The following HS6ST1 variants were observed in gnomAD, a reference collection of about 807,000 sequenced individuals.
HS6ST1 encodes the protein heparan-sulfate 6-O-sulfotransferase 1.
In HS6ST1, 3 loss-of-function variants were observed where a neutral mutation model predicts 25.2. The observed-to-expected ratio is 0.12, with a 90% CI of 0.05 to 0.31. The LOEUF (loss-of-function observed/expected upper bound fraction) is 0.31, where lower values mean the gene tolerates loss of function less well. HS6ST1 is among the 10% of genes least tolerant of loss of function. The pLI is 1.00. For synonymous variants in HS6ST1, 204 were observed against 275.1 expected, an observed-to-expected ratio of 0.74 and a Z score of 2.56; for missense variants, 310 against 609.6, an observed-to-expected ratio of 0.51 and a Z score of 5.18.
intron 1 of HS6ST1, among the ~76,000 whole-genome samples, chr2:128,284,829 T>G (rs1366259268): frequency 6.6e-6 from 1 of 151,926 alleles, no homozygotes; most frequent in African/African-American, 2.4e-5. Context: ...CCCTGAGAGG[T>G]TGTGACTTTC....
intron 1 of HS6ST1, among the ~76,000 whole-genome samples, chr2:128,299,591 A>C (rs1475908453): frequency 3.3e-5 from 5 of 152,224 alleles, no homozygotes; most frequent in Admixed American, 6.5e-5. Flanking sequence ...ACTGAAGCAG[A>C]GAGCTCACAA....
rs1250666330 is a variant in HS6ST1 at position 128,318,838 on chromosome 2, G to C, written c.-275C>G. On this transcript the variant is annotated 5_prime_UTR_variant, in exon 1 of 2. Coordinates refer to ENST00000259241, the MANE Select transcript of HS6ST1 (RefSeq NM_004807.3). This position sits in a 1 kb window ranked among gnomAD's most constrained non-coding sequence, Gnocchi z 5.7. ...CTCTCCGCGCCCCCAGCACCAGCCC[G>C]CTCCGCTCCACTCCGCGCCGAGAAC... Among the ~76,000 whole-genome samples, 1 of 147,626 alleles carries C rather than the reference G, an allele frequency of 6.8e-6. No individual in the cohort carries two copies. The highest frequency in any genetic ancestry group is 1.5e-5 in the Non-Finnish European group (1 of 66,316).
chr2:128,302,095 T>C lies in HS6ST1; in HGVS notation c.527+15942A>G, dbSNP rs1032190960. Among the ~76,000 whole-genome samples, 12 of 152,304 alleles carry C rather than the reference T, an allele frequency of 7.9e-5. No individual in the cohort carries two copies. In the East Asian group the frequency reaches 1.4e-3, roughly 17 times the overall value. The stretch of plus-strand genomic sequence containing the variant: ...TCAGGACACCCTGAGGCAGTAGGTG[T>C]CACTGCTCAGTGTGACCAGAGTGGA... On this transcript the variant is annotated intron_variant, in intron 1 of 1. Coordinates refer to ENST00000259241, the MANE Select transcript of HS6ST1 (RefSeq NM_004807.3).
rs28521874 is a variant in HS6ST1 at position 128,290,435 on chromosome 2, T to G, written c.528-21565A>C. Among the ~76,000 whole-genome samples, 624 of 151,798 alleles carry G rather than the reference T, an allele frequency of 4.1e-3. 1 individual carries two copies. The highest frequency in any genetic ancestry group is 0.015 in the African/African-American group (604 of 41,342). On this transcript the variant is annotated intron_variant, in intron 1 of 1. Transcript: ENST00000259241. ...GTGGACACATCTGCTAAGCTCAGAG[T>G]TCAAATATAGATACAAAAATTCCTC... is the stretch of plus-strand genomic sequence containing the variant.
rs76381697 is a variant in HS6ST1 at position 128,316,566 on chromosome 2, G to C, written c.527+1471C>G. Among the ~76,000 whole-genome samples, 364 of 152,312 alleles carry C rather than the reference G, an allele frequency of 2.4e-3. 1 individual carries two copies. The highest frequency in any genetic ancestry group is 8.2e-3 in the African/African-American group (340 of 41,560). On this transcript the variant is annotated intron_variant, in intron 1 of 1. Coordinates refer to ENST00000259241, the MANE Select transcript of HS6ST1 (RefSeq NM_004807.3). ...TGCAGCAGGAACGTGCATCTGTGCAGAGCAGACTAAGTGCTGGGCCGGAAG... is the reference window on the plus strand; with the variant it reads ...TGCAGCAGGAACGTGCATCTGTGCACAGCAGACTAAGTGCTGGGCCGGAAG...
Position 128,268,705 on chromosome 2 carries a change from C to T in HS6ST1, c.693G>A (p.Ser231=), listed in dbSNP as rs369300010. The change falls in exon 2 of 2, where the codon TCG becomes TCA. Residue 231 remains serine, a synonymous_variant. Transcript: ENST00000259241. ...LPPCYEGTDW[S]GCTLQEFMDC... is the part of the protein sequence containing the mutation. ...CCATGAACTCCTGTAGCGTGCAGCC[C>T]GACCAGTCCGTGCCCTCGTAGCAGG... 78 of 1,612,060 alleles carry T rather than the reference C, an allele frequency of 4.8e-5. No individual in the cohort carries two copies. The East Asian group carries it at 7.4e-4, about 15-fold the overall frequency.
chr2:128,313,126 G>A (rs898721686), intron 1 of HS6ST1, among the ~76,000 whole-genome samples: 3 of 152,190 alleles, frequency 2.0e-5, no homozygotes, highest in Non-Finnish European at 4.4e-5. Flanking sequence ...GGTGCTCACA[G>A]ACCACAGGTG....
intron 1 of HS6ST1, among the ~76,000 whole-genome samples, chr2:128,293,164 C>A (rs756176901): frequency 6.6e-5 from 10 of 152,230 alleles, no homozygotes; most frequent in South Asian, 2.1e-4. Context: ...GCCAGGCACT[C>A]CAGCGTCCCA....
chr2:128,285,653 A>C (rs1175707596), intron 1 of HS6ST1, among the ~76,000 whole-genome samples: 2 of 152,000 alleles, frequency 1.3e-5, no homozygotes, highest in Non-Finnish European at 2.9e-5. Flanking sequence ...CGTCTGTGGC[A>C]CCCCTGTCTC....
At chr2:128,273,166 A>T (rs1017854199) in intron 1 of HS6ST1, among the ~76,000 whole-genome samples, 1 of 152,194 alleles carries the variant, frequency 6.6e-6, no homozygotes, top group Non-Finnish European at 1.5e-5. Flanking sequence ...GTCTTGTAAT[A>T]AAATGGCGCA....
At chr2:128,312,561 G>A (rs1694307841) in intron 1 of HS6ST1, among the ~76,000 whole-genome samples, 1 of 152,156 alleles carries the variant, frequency 6.6e-6, no homozygotes, top group African/African-American at 2.4e-5. Context: ...TGCACCCCAG[G>A]CCCCTGGGAG....
rs1328934734 is a variant in HS6ST1 at position 128,268,098 on chromosome 2, C to T, written c.*64G>A. 2 of 1,163,054 alleles carry T rather than the reference C, an allele frequency of 1.7e-6. No homozygotes were observed. The highest frequency in any genetic ancestry group is 2.5e-6 in the Non-Finnish European group (2 of 802,462). 72.0% of individuals were successfully genotyped at this position (1,163,054 alleles called of 1,614,324 possible). A position where few individuals can be genotyped will look rare whatever the true frequency, so the allele number is the denominator to read the frequency against. On this transcript the variant is annotated 3_prime_UTR_variant, in exon 2 of 2. Transcript: ENST00000259241. ...CATCCCTTGACAGTCTTGGGTGGAC[C>T]TGTCGTCTGTCCTGTTTTATCCCCC...
At chr2:128,311,831 G>A (rs1694294344) in intron 1 of HS6ST1, among the ~76,000 whole-genome samples, 1 of 152,196 alleles carries the variant, frequency 6.6e-6, no homozygotes, top group Admixed American at 6.5e-5. Context: ...GGCCGGTGGT[G>A]GCATCGGTGG....
At chr2:128,288,282 C>CACCAAGAGA (rs1558873747) in intron 1 of HS6ST1, among the ~76,000 whole-genome samples, 1 of 152,072 alleles carries the variant, frequency 6.6e-6, no homozygotes, top group Non-Finnish European at 1.5e-5. Flanking sequence ...CGTGGAGGCC[C>CACCAAGAGA]GAGAGGGAGG....
intron 1 of HS6ST1, among the ~76,000 whole-genome samples, chr2:128,281,472 T>TA (rs1412672642): frequency 6.6e-6 from 1 of 152,186 alleles, no homozygotes; most frequent in African/African-American, 2.4e-5. Context: ...AGGATGTCCT[T>TA]AGAGACAGCC....
chr2:128,276,483 AG>A (rs1442258428), intron 1 of HS6ST1, among the ~76,000 whole-genome samples: 14 of 152,112 alleles, frequency 9.2e-5, no homozygotes, highest in African/African-American at 3.4e-4. Context: ...TTCAAGTCAG[AG>A]GCTAGCCCTG....
chr2:128,303,716 G>A (rs957933518), intron 1 of HS6ST1, among the ~76,000 whole-genome samples: 1 of 152,204 alleles, frequency 6.6e-6, no homozygotes, highest in Non-Finnish European at 1.5e-5. Context: ...AGGCTCCCTT[G>A]GGAGAACGCT....
At chr2:128,309,609 A>G (rs1273990688) in intron 1 of HS6ST1, among the ~76,000 whole-genome samples, 1 of 152,196 alleles carries the variant, frequency 6.6e-6, no homozygotes, top group African/African-American at 2.4e-5. Flanking sequence ...CAGAGTTTCA[A>G]TCTCTCCAGT....
At chr2:128,268,904 T>C in intron 1 of HS6ST1, 34 bp from the exon 2 acceptor site, 1 of 1,562,780 alleles carries the variant, frequency 6.4e-7, no homozygotes, top group Non-Finnish European at 8.7e-7. Context: ...GTGAGGGCTG[T>C]GACGCAGCAT....
Sources: allele counts gnomAD v4.1 joint callset (sites outside exome capture counted in the v4.1 genomes callset), GRCh38; gene constraint gnomAD v4.1.1; non-coding constraint Gnocchi (gnomAD v3.1); transcripts MANE v1.5; gene names NCBI Gene and HGNC (gene_info 2026-07-23, HGNC 2026-07-21).